DZIP1: variants seen among roughly 807,000 people sequenced by gnomAD.
DZIP1 encodes cilium assembly protein DZIP1.
Under a neutral mutation model 107.6 loss-of-function variants are expected in DZIP1, and 97 were observed. The ratio of observed to expected loss-of-function variants is 0.90; its 90% CI spans 0.77 to 1.07. DZIP1 has a LOEUF of 1.07. Ranked by LOEUF, DZIP1 falls within the 50% of genes least tolerant of loss-of-function variation. DZIP1 has a pLI of 0.00. For missense variants in DZIP1, 1,035 were observed against 1,063.6 expected (o/e 0.97, Z 0.37); for synonymous variants, 390 against 386.4 (o/e 1.01, Z -0.11).
At chr13:95,605,521 C>T (rs1276998951) in intron 14 of DZIP1, among the ~76,000 whole-genome samples, 1 of 152,222 alleles carries the variant, frequency 6.6e-6, no homozygotes, top group African/African-American at 2.4e-5. Context: ...TGGTTCCTAC[C>T]TATTTCCTTT....
At chr13:95,605,271 A>G (rs1478644291) in intron 14 of DZIP1, among the ~76,000 whole-genome samples, 1 of 152,238 alleles carries the variant, frequency 6.6e-6, no homozygotes, top group Non-Finnish European at 1.5e-5. Flanking sequence ...ATTCCAGAGC[A>G]ACTGTATGTG....
intron 16 of DZIP1, among the ~76,000 whole-genome samples, chr13:95,593,501 A>G (rs1238173971): frequency 1.3e-5 from 2 of 152,236 alleles, no homozygotes; most frequent in Admixed American, 6.5e-5. Flanking sequence ...ATCTGGCAAC[A>G]ATATGAAATC....
chr13:95,622,149 T>A (rs1380073057), intron 9 of DZIP1, among the ~76,000 whole-genome samples, 194 bp downstream of exon 9: 2 of 152,216 alleles, frequency 1.3e-5, no homozygotes, highest in African/African-American at 4.8e-5. Context: ...CTGTTGTGTA[T>A]GCTATTTGCC....
In DZIP1 at chr13:95,581,410, T is replaced by C. The variant is rs1174368955; in HGVS notation, c.*824A>G. ...TTTTCTATTTAGTCTGATAAATTAA[T>C]TGGCACTTAAAATAACTATACTTTA... On this transcript the variant is annotated 3_prime_UTR_variant, in exon 23 of 23. Coordinates refer to ENST00000376829, the MANE Select transcript of DZIP1 (RefSeq NM_198968.4). The C allele has an allele frequency of 1.3e-5, 2 of 152,572 alleles. No homozygotes were observed. The highest frequency in any genetic ancestry group is 6.5e-5 in the Admixed American group (1 of 15,274). 9.5% of individuals were successfully genotyped at this position (152,572 alleles called of 1,614,324 possible). A position where few individuals can be genotyped will look rare whatever the true frequency, so the allele number is the denominator to read the frequency against.
rs1014618963 is a variant in DZIP1 at position 95,641,829 on chromosome 13, C to A, written c.63G>T (p.Pro21=). ...SMPFQKHVYY[P]LASGPEGPDV... ...CGGGCCCCTCTGGGCCGCTGGCGAG[C>A]GGGTAGTAGACATGCTTCTGGAAGG... The change falls in exon 5 of 23, where the codon CCG becomes CCT. Residue 21 remains proline (P), a synonymous_variant. Transcript: ENST00000376829. This position sits in a 1 kb window ranked among gnomAD's most constrained non-coding sequence, Gnocchi z 4.3. The A allele has an allele frequency of 1.4e-5, 17 of 1,228,136 alleles. No homozygotes were observed. The highest frequency in any genetic ancestry group is 1.8e-5 in the Non-Finnish European group (17 of 970,646). The allele number at this position is 1,228,136 out of a possible 1,614,324, so 76.1% of individuals were successfully genotyped here.
chr13:95,606,016 C>T lies in DZIP1; in HGVS notation c.1464G>A (p.Leu488=), dbSNP rs1389348564. The T allele has an allele frequency of 6.2e-7, 1 of 1,613,846 alleles. No individual in the cohort carries two copies. The highest frequency in any genetic ancestry group is 1.3e-5 in the African/African-American group (1 of 74,906). ...ACTGAAACTTACCATGCACCATTGG[C>T]AGACTTGATTTAGTTTCCAAAGTGT... ...ALHTLETKSS[L]PMVHEQAFSS... is the part of the protein sequence containing the mutation. Residue 488 remains leucine, a synonymous_variant, in exon 14 of 23, where the codon CTG becomes CTA. Coordinates refer to ENST00000376829, the MANE Select transcript of DZIP1 (RefSeq NM_198968.4).
At chr13:95,591,484 C>G (rs568681199) in intron 16 of DZIP1, among the ~76,000 whole-genome samples, 1 of 152,118 alleles carries the variant, frequency 6.6e-6, no homozygotes, top group South Asian at 2.1e-4. Flanking sequence ...TCTTTGTTCC[C>G]ATCCCCCTTG....
chr13:95,594,474 T>C (rs1374354398), intron 15 of DZIP1, among the ~76,000 whole-genome samples: 1 of 152,160 alleles, frequency 6.6e-6, no homozygotes, highest in African/African-American at 2.4e-5. Context: ...TGTATCATCT[T>C]ATGAAGAAAA....
chr13:95,610,111 T>TGTGTGA (rs368276400), intron 12 of DZIP1, among the ~76,000 whole-genome samples: 4,759 of 126,048 alleles, frequency 0.038, 198 homozygotes, highest in Non-Finnish European at 0.061. Context: ...TGTGTGTGTG[T>TGTGTGA]GAGAGAGAGA....
chr13:95,584,029 T>C (rs1002434510), intron 22 of DZIP1, among the ~76,000 whole-genome samples: 1 of 151,734 alleles, frequency 6.6e-6, no homozygotes, highest in African/African-American at 2.4e-5. Flanking sequence ...CAGGCTGGAG[T>C]GCAGTGGCGT....
chr13:95,635,980 AGAAG>A (rs888967369), intron 5 of DZIP1, among the ~76,000 whole-genome samples: 46 of 140,788 alleles, frequency 3.3e-4, no homozygotes, highest in African/African-American at 1.0e-3. Flanking sequence ...GAAGGTAGGA[AGAAG>A]GAAGGAAGGG....
intron 10 of DZIP1, among the ~76,000 whole-genome samples, chr13:95,613,323 G>T (rs1215323944): frequency 6.6e-6 from 1 of 152,034 alleles, no homozygotes; most frequent in Non-Finnish European, 1.5e-5. Flanking sequence ...GACCAGCCTG[G>T]CCAACATGGC....
At chr13:95,613,382 G>A (rs1004003055) in intron 10 of DZIP1, among the ~76,000 whole-genome samples, 2 of 152,026 alleles carry the variant, frequency 1.3e-5, no homozygotes, top group African/African-American at 4.8e-5. Flanking sequence ...GTGTGGTGGC[G>A]GGCGCCTGTA....
intron 8 of DZIP1, 38 bp from the exon 9 acceptor site, chr13:95,622,518 C>A: frequency 6.2e-7 from 1 of 1,612,126 alleles, no homozygotes; most frequent in Middle Eastern, 1.7e-4. Flanking sequence ...TACAGTTAGA[C>A]TTTCATAAGA....
rs745361027 is a variant in DZIP1 at position 95,599,408 on chromosome 13, C to T, written c.1494G>A (p.Ser498=). The T allele has an allele frequency of 1.1e-5, 17 of 1,613,376 alleles. No homozygotes were observed. The highest frequency in any genetic ancestry group is 4.5e-5 in the East Asian group (2 of 44,818). Residue 498 remains serine (S), a synonymous_variant, in exon 15 of 23, where the codon TCG becomes TCA. Transcript: ENST00000376829. ...GTTCTTCTATTGGTTCCAGTATGTGCGACGAGAATGCCTGTTCTATTAACA... is the reference window on the plus strand; with the variant it reads ...GTTCTTCTATTGGTTCCAGTATGTGTGACGAGAATGCCTGTTCTATTAACA... ...LPMVHEQAFS[S]HILEPIEELS... is the part of the protein sequence containing the mutation.
Position 95,587,698 on chromosome 13 carries a change from C to T in DZIP1, c.2059G>A (p.Glu687Lys). ...TATGCCCGGATGAGGTCGTCGTCCT[C>T]CTGCTCCTCCTCTGAACTAAAAGGA... ...TPPFSSEEEQEDDDLIRAYAS... is the reference protein window; with the variant it reads ...TPPFSSEEEQKDDDLIRAYAS... Residue 687 changes from glutamate to lysine, a missense_variant, in exon 20 of 23, where the codon GAG becomes AAG. Coordinates refer to ENST00000376829, the MANE Select transcript of DZIP1 (RefSeq NM_198968.4). 6.2e-7 allele frequency: 1 copy of T among 1,614,040 alleles called. No individual in the cohort carries two copies. The highest frequency in any genetic ancestry group is 1.1e-5 in the South Asian group (1 of 91,062).
At chr13:95,617,540 T>A (rs1206639195) in intron 10 of DZIP1, among the ~76,000 whole-genome samples, 1 of 152,014 alleles carries the variant, frequency 6.6e-6, no homozygotes, top group African/African-American at 2.4e-5. Flanking sequence ...AATAGAAAAC[T>A]CATACTGAGG....
intron 14 of DZIP1, among the ~76,000 whole-genome samples, chr13:95,603,145 T>G (rs1228821110): frequency 6.6e-6 from 1 of 151,532 alleles, no homozygotes; most frequent in Admixed American, 6.6e-5. Context: ...CATAATGAAA[T>G]GCCGTCTATA....
Position 95,579,585 on chromosome 13 carries a change from A to ATCTT in DZIP1, c.*2645_*2648dup, listed in dbSNP as rs2043986210. On this transcript the variant is annotated 3_prime_UTR_variant, in exon 23 of 23. Coordinates refer to ENST00000376829, the MANE Select transcript of DZIP1 (RefSeq NM_198968.4). ...ATGAATAAGAATTGGTATTTGTGTTATCTTTGAGTAAGAAACTGTCCGATA... is the reference window on the plus strand; with the variant it reads ...ATGAATAAGAATTGGTATTTGTGTTATCTTTCTTTGAGTAAGAAACTGTCCGATA... 1 of 152,234 alleles carries ATCTT rather than the reference A, an allele frequency of 6.6e-6. No homozygotes were observed. The highest frequency in any genetic ancestry group is 2.1e-4 in the South Asian group (1 of 4,828). The allele number at this position is 152,234 out of a possible 1,614,324, so 9.4% of individuals were successfully genotyped here.
Sources: gnomAD v4.1 joint callset for allele counts (sites outside exome capture counted in the v4.1 genomes callset) on GRCh38, gnomAD v4.1.1 for gene constraint, Gnocchi (gnomAD v3.1) non-coding constraint, MANE v1.5 for transcripts, NCBI Gene and HGNC (gene_info 2026-07-23, HGNC 2026-07-21) for gene names.